Variants in ATP8A2 observed in about 807,000 individuals in gnomAD.
ATP8A2 encodes ATPase phospholipid transporting 8A2.
In ATP8A2, 100 loss-of-function variants were observed where a neutral mutation model predicts 165.6. That is an observed-to-expected ratio of 0.60 (90% confidence interval 0.51 to 0.71). The LOEUF is 0.71. ATP8A2 is among the 30% of genes least tolerant of loss of function. ATP8A2 has a pLI of 0.00. For missense variants in ATP8A2, 1,227 were observed against 1,479.5 expected (o/e 0.83, Z 2.80); for synonymous variants, 543 against 548.8 (o/e 0.99, Z 0.15).
At chr13:25,739,524 T>C (rs1443224374) in intron 25 of ATP8A2, among the ~76,000 whole-genome samples, 2 of 152,164 alleles carry the variant, frequency 1.3e-5, no homozygotes, top group African/African-American at 2.4e-5. Flanking sequence ...TTAGCAGAAA[T>C]TTTTTAGCCT....
chr13:25,712,063 T>C (rs1214561698), intron 25 of ATP8A2, among the ~76,000 whole-genome samples: 1 of 152,186 alleles, frequency 6.6e-6, no homozygotes, highest in Non-Finnish European at 1.5e-5. Flanking sequence ...ATTTTGTATC[T>C]AGCATTTACA....
intron 25 of ATP8A2, among the ~76,000 whole-genome samples, chr13:25,710,983 G>C (rs750242289): frequency 1.3e-5 from 2 of 152,136 alleles, no homozygotes; most frequent in Non-Finnish European, 2.9e-5. Context: ...GACTAACAAA[G>C]ATATATCCTG....
At chr13:25,751,168 G>A (rs79169167) in intron 25 of ATP8A2, among the ~76,000 whole-genome samples, 4,464 of 152,244 alleles carry the variant, frequency 0.029, 91 homozygotes, top group South Asian at 0.075. Flanking sequence ...CCCATACCTT[G>A]GCTTACTTTG....
intron 25 of ATP8A2, among the ~76,000 whole-genome samples, chr13:25,741,580 G>T (rs978073770): frequency 1.3e-5 from 2 of 151,738 alleles, no homozygotes. Context: ...TAGAGGCAGG[G>T]TCTCACTGTG....
chr13:25,436,801 A>G (rs2034791533), intron 1 of ATP8A2, among the ~76,000 whole-genome samples: 1 of 149,884 alleles, frequency 6.7e-6, no homozygotes, highest in African/African-American at 2.5e-5. Context: ...TTTTTAACAG[A>G]GTCTCACTCT....
intron 27 of ATP8A2, among the ~76,000 whole-genome samples, chr13:25,804,725 G>A (rs979432417): frequency 2.6e-5 from 4 of 152,104 alleles, no homozygotes; most frequent in African/African-American, 9.7e-5. Context: ...TCTGAACCCC[G>A]TGCATTCTGG....
At position 25,978,263 on chromosome 13, in the gene ATP8A2, G is replaced by A. The variant is rs79655984; in HGVS notation, c.3377+9584G>A. Among the ~76,000 whole-genome samples, 987 of 152,230 alleles carry A rather than the reference G, an allele frequency of 6.5e-3. 5 individuals carry two copies. The highest frequency in any genetic ancestry group is 0.027 in the Middle Eastern group (8 of 294). ...AATAGTGATATTATACATTCCAGGC[G>A]GGGATTAGTTCTTCAGGAGGTTCTG... On this transcript the variant is annotated intron_variant, in intron 35 of 36. Coordinates refer to ENST00000381655, the MANE Select transcript of ATP8A2 (RefSeq NM_016529.6).
intron 29 of ATP8A2, among the ~76,000 whole-genome samples, chr13:25,839,297 C>G (rs1031449820): frequency 1.3e-5 from 2 of 151,966 alleles, no homozygotes; most frequent in Non-Finnish European, 2.9e-5. Flanking sequence ...GGTCTGCATA[C>G]ATGTGAGTAG....
chr13:25,578,703 C>A, intron 20 of ATP8A2, 112 bp from the exon 21 acceptor site: 1 of 725,376 alleles, frequency 1.4e-6, no homozygotes. Context: ...CCTACTTACC[C>A]ACTCGGGTAT....
At position 25,506,562 on chromosome 13, in the gene ATP8A2, A is replaced by C. The variant is rs183201134; in HGVS notation, c.222-23437A>C. ...CCTTGAAACCAGAAACATTCATGAG[A>C]TAGAGTTCTGGCCAATGAGACGGGA... On this transcript the variant is annotated intron_variant, in intron 2 of 36. Coordinates refer to ENST00000381655, the MANE Select transcript of ATP8A2 (RefSeq NM_016529.6). 1.1e-3 allele frequency among the ~76,000 whole-genome samples: 162 copies of C among 152,320 alleles called. 1 individual carries two copies. Among genetic ancestry groups the C allele is most frequent in the Middle Eastern group, 3.4e-3 (1 of 294 alleles).
chr13:25,854,098 C>G (rs746670523), intron 30 of ATP8A2, among the ~76,000 whole-genome samples: 16 of 152,180 alleles, frequency 1.1e-4, no homozygotes, highest in Non-Finnish European at 1.5e-4. Context: ...CTCTCCACCT[C>G]ATGTTTTCTT....
At chr13:25,428,160 G>C (rs1392782385) in intron 1 of ATP8A2, among the ~76,000 whole-genome samples, 3 of 151,740 alleles carry the variant, frequency 2.0e-5, no homozygotes, top group South Asian at 4.2e-4. Flanking sequence ...CTTCAGCCTG[G>C]GTGACAGAGT....
At chr13:25,827,971 A>G (rs777712940) in intron 27 of ATP8A2, 147 bp from the exon 28 acceptor site, 28 of 643,676 alleles carry the variant, frequency 4.4e-5, no homozygotes, top group Non-Finnish European at 7.3e-5. Flanking sequence ...TATGTTTTAT[A>G]AAGGAACAAC....
chr13:25,955,563 A>T (rs1955499024), intron 33 of ATP8A2, among the ~76,000 whole-genome samples: 1 of 152,256 alleles, frequency 6.6e-6, no homozygotes, highest in South Asian at 2.1e-4. Flanking sequence ...ACACCCTCCC[A>T]AGACTAAACT....
chr13:25,999,866 G>T (rs892234613), intron 35 of ATP8A2, among the ~76,000 whole-genome samples: 2 of 152,160 alleles, frequency 1.3e-5, no homozygotes, highest in Non-Finnish European at 2.9e-5. Flanking sequence ...TAGTTCCGTG[G>T]TATATAAAAT....
intron 35 of ATP8A2, among the ~76,000 whole-genome samples, chr13:25,984,512 G>A (rs904972315): frequency 3.9e-5 from 6 of 151,914 alleles, no homozygotes; most frequent in African/African-American, 7.3e-5. Flanking sequence ...GCTAAGGCAC[G>A]AGAATCGCTT....
intron 35 of ATP8A2, among the ~76,000 whole-genome samples, chr13:26,006,495 T>C (rs1432988628): frequency 6.6e-6 from 1 of 152,032 alleles, no homozygotes; most frequent in African/African-American, 2.4e-5. Context: ...TTTGGATGTA[T>C]TTTATTTCTT....
At chr13:25,888,328 TCCTTAAACAA>T (rs1278346397) in intron 33 of ATP8A2, among the ~76,000 whole-genome samples, 1 of 152,218 alleles carries the variant, frequency 6.6e-6, no homozygotes, top group Non-Finnish European at 1.5e-5. Context: ...GCACTTGTCC[TCCTTAAACAA>T]CTTTATCTAA....
chr13:25,420,018 A>G (rs530238033), intron 1 of ATP8A2, among the ~76,000 whole-genome samples: 8 of 152,372 alleles, frequency 5.3e-5, no homozygotes, highest in Admixed American at 5.2e-4. Context: ...GGAAAAATGT[A>G]TGTACTGATG....
Sources: allele counts gnomAD v4.1 joint callset (sites outside exome capture counted in the v4.1 genomes callset), GRCh38; gene constraint gnomAD v4.1.1; transcripts MANE v1.5; gene names NCBI Gene and HGNC (gene_info 2026-07-23, HGNC 2026-07-21).